AGRN: variants seen among roughly 807,000 people sequenced by gnomAD.
The protein encoded by AGRN is agrin proteoglycan.
Under a neutral mutation model 211.0 loss-of-function variants are expected in AGRN, and 106 were observed. The observed-to-expected ratio is 0.50, with a 90% CI of 0.43 to 0.59. The LOEUF (loss-of-function observed/expected upper bound fraction) is 0.59, where lower values mean the gene tolerates loss of function less well. Ranked by LOEUF, AGRN falls within the 20% of genes least tolerant of loss-of-function variation. The pLI is 0.00. For synonymous variants in AGRN, 1,525 were observed against 1,332.5 expected, an observed-to-expected ratio of 1.14 and a Z score of -3.15; for missense variants, 3,040 against 2,982.6, an observed-to-expected ratio of 1.02 and a Z score of -0.45.
chr1:1,042,911 T>G (rs1271106492), intron 7 of AGRN, among the ~76,000 whole-genome samples: 1 of 151,908 alleles, frequency 6.6e-6, no homozygotes, highest in Non-Finnish European at 1.5e-5. Context: ...ATGGGTGTCC[T>G]GGGGATGCTG....
chr1:1,053,005 G>A (rs578131919), intron 33 of AGRN: 12 of 182,354 alleles, frequency 6.6e-5, no homozygotes, highest in Admixed American at 1.7e-4. Flanking sequence ...GTGTGTGTTC[G>A]TGTACACGTG....
Position 1,045,245 on chromosome 1 carries a change from C to A in AGRN, c.2339C>A (p.Ala780Glu). ...GGCTGCTGCCAGGACAATATCACCG[C>A]AGCCCGGGGCGTGGGCCTGGCTGGC... ...PYGCCQDNIT[A>E]ARGVGLAGCP... Residue 780 changes from alanine (A) to glutamate (E), a missense_variant, in exon 13 of 36, where the codon GCA becomes GAA. By Grantham distance (107) the Ala-to-Glu change is moderately radical (BLOSUM62 -1). Transcript: ENST00000379370. 1 of 1,611,868 alleles carries A rather than the reference C, an allele frequency of 6.2e-7. No individual in the cohort carries two copies. The highest frequency in any genetic ancestry group is 8.5e-7 in the Non-Finnish European group (1 of 1,179,546).
chr1:1,034,078 C>G (rs1275687779), intron 2 of AGRN: 2 of 971,874 alleles, frequency 2.1e-6, no homozygotes, highest in Non-Finnish European at 2.4e-6. Flanking sequence ...GCTTTCTTCT[C>G]GCTCCCGACG....
intron 7 of AGRN, among the ~76,000 whole-genome samples, chr1:1,042,426 G>T (rs1205019313): frequency 6.6e-6 from 1 of 152,164 alleles, no homozygotes; most frequent in Admixed American, 6.5e-5. Flanking sequence ...CCTCTGGCCT[G>T]TCCGCATGTC....
At chr1:1,041,902 C>T in intron 6 of AGRN, 54 bp from the exon 7 acceptor site, 1 of 1,599,186 alleles carries the variant, frequency 6.3e-7, no homozygotes. Context: ...CATCCCAGGG[C>T]AGGGATGGAG....
At chr1:1,035,682 T>C (rs1644787784) in intron 3 of AGRN, among the ~76,000 whole-genome samples, 1 of 152,160 alleles carries the variant, frequency 6.6e-6, no homozygotes, top group African/African-American at 2.4e-5. Context: ...CCCTTCTCCC[T>C]GTTCAGCAAG....
In AGRN at chr1:1,043,953, C is replaced by T. The variant is rs371304780; in HGVS notation, c.1929C>T (p.Cys643=). ...GSDGVTYGSA[C]ELREAACLQQ... Reference sequence around the variant, plus strand: ...ACGGTGTCACCTACGGCAGTGCCTGCGAGCTACGGGAAGCCGCCTGCCTCC... The same window carrying T: ...ACGGTGTCACCTACGGCAGTGCCTGTGAGCTACGGGAAGCCGCCTGCCTCC... Residue 643 remains cysteine (C), a synonymous_variant, in exon 10 of 36, where the codon TGC becomes TGT. Transcript: ENST00000379370. 316 of 1,605,948 alleles carry T rather than the reference C, an allele frequency of 2.0e-4. No homozygotes were observed. Among genetic ancestry groups the T allele is most frequent in the Non-Finnish European group, 2.5e-4 (294 of 1,178,712 alleles).
chr1:1,037,934 C>T (rs1644839273), intron 3 of AGRN, among the ~76,000 whole-genome samples: 1 of 152,148 alleles, frequency 6.6e-6, no homozygotes, highest in Non-Finnish European at 1.5e-5. Context: ...TGTGGAGCCT[C>T]TATGATCCCC....
At chr1:1,049,817 G>A (rs1645222616) in intron 26 of AGRN, 22 bp downstream of exon 26, 12 of 1,607,468 alleles carry the variant, frequency 7.5e-6, no homozygotes, top group Non-Finnish European at 7.6e-6. Flanking sequence ...GCCGGGGCGG[G>A]TGGGAGTGGG....
chr1:1,034,459 T>A (rs1170326474), intron 2 of AGRN: 1 of 985,456 alleles, frequency 1.0e-6, no homozygotes, highest in Non-Finnish European at 1.2e-6. Context: ...GCCCCAGGGG[T>A]CCCAGGATGG....
intron 2 of AGRN, among the ~76,000 whole-genome samples, chr1:1,024,754 C>T (rs542315369): frequency 2.0e-5 from 3 of 152,016 alleles, no homozygotes; most frequent in South Asian, 2.1e-4. Flanking sequence ...CAAGGCCCCT[C>T]CCCCAGTCAA....
intron 2 of AGRN, among the ~76,000 whole-genome samples, chr1:1,029,229 G>C (rs902985677): frequency 6.6e-6 from 1 of 152,188 alleles, no homozygotes; most frequent in Non-Finnish European, 1.5e-5. Flanking sequence ...AAGTACCTGC[G>C]GGTGCCCAAC....
At position 1,049,555 on chromosome 1, in the gene AGRN, C is replaced by T. The variant is rs1318253535; in HGVS notation, c.4515-11C>T. The T allele has an allele frequency of 6.3e-7, 1 of 1,590,436 alleles. No individual in the cohort carries two copies. The highest frequency in any genetic ancestry group is 1.3e-5 in the African/African-American group (1 of 74,706). ...CCCTGAGCCCTGACCCGGTGTCCCT[C>T]CTGGTGGCAGGGCGCTGGAGCGGAC... is the stretch of plus-strand genomic sequence containing the variant. On this transcript the variant is annotated splice_polypyrimidine_tract_variant and intron_variant, in intron 25 of 35. Transcript: ENST00000379370.
chr1:1,043,693 C>T lies in AGRN; in HGVS notation c.1759C>T (p.His587Tyr). The T allele has an allele frequency of 3.1e-6, 5 of 1,600,830 alleles. No homozygotes were observed. Among genetic ancestry groups the T allele is most frequent in the Non-Finnish European group, 4.2e-6 (5 of 1,179,780 alleles). The change falls in exon 9 of 36, where the codon CAC (histidine) becomes TAC (tyrosine). Residue 587 changes from histidine (H) to tyrosine (Y), a missense_variant. By Grantham distance (83) the His-to-Tyr change is moderately conservative. Coordinates refer to ENST00000379370, the MANE Select transcript of AGRN (RefSeq NM_198576.4). ...CATGCTGCACGTGCACGCCTGCACACACCAGATCAGCCTGCACGTGGCCTC... is the reference window on the plus strand; with the variant it reads ...CATGCTGCACGTGCACGCCTGCACATACCAGATCAGCCTGCACGTGGCCTC... The part of the protein sequence containing the change: ...ECMLHVHACT[H>Y]QISLHVASAG...
intron 3 of AGRN, among the ~76,000 whole-genome samples, chr1:1,038,454 T>C (rs748647648): frequency 7.2e-5 from 11 of 152,300 alleles, no homozygotes; most frequent in Non-Finnish European, 1.6e-4. Flanking sequence ...CCAGCCCCGC[T>C]CACCCTGGTG....
chr1:1,033,130 C>G (rs992833309), intron 2 of AGRN, among the ~76,000 whole-genome samples: 6 of 152,018 alleles, frequency 3.9e-5, no homozygotes, highest in Non-Finnish European at 8.8e-5. Flanking sequence ...CCCACGGACC[C>G]GCAGGGAGTC....
intron 1 of AGRN, 57 bp from the exon 2 acceptor site, chr1:1,022,144 A>T: frequency 6.2e-7 from 1 of 1,608,688 alleles, no homozygotes; most frequent in Non-Finnish European, 8.5e-7. Flanking sequence ...TAAAGCCCCC[A>T]GTCTAGCCCC....
rs1337477808 is a variant in AGRN at position 1,047,768 on chromosome 1, C to A, written c.3632-8C>A. The A allele has an allele frequency of 6.2e-7, 1 of 1,608,908 alleles. No homozygotes were observed. Among genetic ancestry groups the A allele is most frequent in the South Asian group, 1.1e-5 (1 of 90,704 alleles). ...GCTCTGCCATGCTCAGAGCTCCCTC[C>A]TCCCCAGCCACAGCCTTCAGGGCAC... On this transcript the variant is annotated splice_region_variant and splice_polypyrimidine_tract_variant and intron_variant, in intron 21 of 35. Coordinates refer to ENST00000379370, the MANE Select transcript of AGRN (RefSeq NM_198576.4).
At position 1,044,096 on chromosome 1, in the gene AGRN, C is replaced by A. The variant is rs1211427791; in HGVS notation, c.2000-13C>A. ...AAGAAGCCCCTGGGTGACTCTGCTC[C>A]CCTTCCCCGCAGCCGAGTGCGGTTC... On this transcript the variant is annotated splice_polypyrimidine_tract_variant and intron_variant, in intron 10 of 35. Coordinates refer to ENST00000379370, the MANE Select transcript of AGRN (RefSeq NM_198576.4). 2 of 1,613,198 alleles carry A rather than the reference C, an allele frequency of 1.2e-6. No individual in the cohort carries two copies. Among genetic ancestry groups the A allele is most frequent in the Non-Finnish European group, 8.5e-7 (1 of 1,179,928 alleles).
Sources: gnomAD v4.1 joint callset for allele counts (sites outside exome capture counted in the v4.1 genomes callset) on GRCh38, gnomAD v4.1.1 for gene constraint, MANE v1.5 for transcripts, NCBI Gene and HGNC (gene_info 2026-07-23, HGNC 2026-07-21) for gene names.